The following MTHFSD variants were observed in gnomAD, a reference collection of about 807,000 sequenced individuals.
The protein encoded by MTHFSD is methenyltetrahydrofolate synthase domain-containing protein.
A neutral mutation model predicts 31.1 loss-of-function variants in MTHFSD; 37 were observed. The ratio of observed to expected loss-of-function variants is 1.19; its 90% CI spans 0.91 to 1.56. The LOEUF (loss-of-function observed/expected upper bound fraction) is 1.56. Ranked by LOEUF, MTHFSD falls within the 40% of genes most tolerant of loss-of-function variation. MTHFSD has a pLI of 0.00. For synonymous variants in MTHFSD, 221 were observed against 206.9 expected, an observed-to-expected ratio of 1.07 and a Z score of -0.59; for missense variants, 664 against 510.1, an observed-to-expected ratio of 1.30 and a Z score of -2.91.
At chr16:86,538,424 A>G (rs912211949) in intron 7 of MTHFSD, among the ~76,000 whole-genome samples, 3 of 152,188 alleles carry the variant, frequency 2.0e-5, no homozygotes, top group Non-Finnish European at 4.4e-5. Context: ...GGGTCTCAAC[A>G]GGAAGTTCCG....
intron 7 of MTHFSD, among the ~76,000 whole-genome samples, chr16:86,537,634 T>G (rs1242627458): frequency 6.6e-6 from 1 of 152,168 alleles, no homozygotes; most frequent in East Asian, 1.9e-4. Flanking sequence ...AGAGAACAAT[T>G]GTGTTTTATG....
chr16:86,542,476 C>T lies in MTHFSD; in HGVS notation c.443-263G>A. ...TGAACACTGGACCGTTCAAGCATGT[C>T]ACAAAGGGAAACAGATCACACTCAT... On this transcript the variant is annotated intron_variant, in intron 5 of 7. Coordinates refer to ENST00000360900, the MANE Select transcript of MTHFSD (RefSeq NM_001159377.2). The surrounding 1 kb of genome is among the most constrained non-coding windows in gnomAD (Gnocchi z 4.6). The T allele has an allele frequency of 7.2e-6, 3 of 418,836 alleles. No individual in the cohort carries two copies. The highest frequency in any genetic ancestry group is 4.2e-5 in the Admixed American group (1 of 23,870). 25.9% of individuals were successfully genotyped at this position (418,836 alleles called of 1,614,324 possible). A position where few individuals can be genotyped will look rare whatever the true frequency, so the allele number is the denominator to read the frequency against.
intron 7 of MTHFSD, among the ~76,000 whole-genome samples, chr16:86,538,806 A>C (rs1171847781): frequency 6.6e-6 from 1 of 152,212 alleles, no homozygotes; most frequent in Non-Finnish European, 1.5e-5. Flanking sequence ...CTAGGGGTTC[A>C]GGGAGTCCTG....
intron 7 of MTHFSD, chr16:86,541,138 G>T: frequency 7.8e-7 from 1 of 1,287,242 alleles, no homozygotes; most frequent in South Asian, 1.2e-5. Flanking sequence ...TAACCTACAG[G>T]CTGATTTGCA....
At position 86,542,415 on chromosome 16, in the gene MTHFSD, A is replaced by G. The variant is rs964349610; in HGVS notation, c.443-202T>C. 73 of 573,690 alleles carry G rather than the reference A, an allele frequency of 1.3e-4. No homozygotes were observed. Among genetic ancestry groups the G allele is most frequent in the Middle Eastern group, 4.0e-4 (1 of 2,510 alleles). The allele number at this position is 573,690 out of a possible 1,614,324, so 35.5% of individuals were successfully genotyped here. A position where few individuals can be genotyped will look rare whatever the true frequency, so the allele number is the denominator to read the frequency against. On this transcript the variant is annotated intron_variant, in intron 5 of 7. Coordinates refer to ENST00000360900, the MANE Select transcript of MTHFSD (RefSeq NM_001159377.2). This position sits in a 1 kb window ranked among gnomAD's most constrained non-coding sequence, Gnocchi z 4.6. The stretch of plus-strand genomic sequence containing the variant: ...TTTTGGGCATTCAACAGGAATAACA[A>G]CACGGCCAATGTCAGGTGGTGAAAC...
intron 4 of MTHFSD, chr16:86,548,097 T>C: frequency 7.7e-7 from 1 of 1,293,336 alleles, no homozygotes; most frequent in Non-Finnish European, 1.0e-6. Context: ...GTCTCCCCAG[T>C]CGCTCTGGTG....
intron 5 of MTHFSD, among the ~76,000 whole-genome samples, chr16:86,546,084 C>G (rs772453615): frequency 5.9e-5 from 9 of 151,614 alleles, no homozygotes; most frequent in Non-Finnish European, 1.2e-4. Flanking sequence ...GAAGAAGTCT[C>G]GGACACACCA....
chr16:86,535,607 AT>A lies in MTHFSD; in HGVS notation c.682-3127del, dbSNP rs1342694380. 1.7e-3 allele frequency: 1,018 copies of A among 600,034 alleles called. 10 individuals carry two copies. In the African/African-American group the frequency reaches 0.02, roughly 12 times the overall value. 37.2% of individuals were successfully genotyped at this position (600,034 alleles called of 1,614,324 possible). ...ACTAATTCTATTCTAAAAAAAAAAA[AT>A]AGAATAAACTTTAAGTTTAAAAACC... On this transcript the variant is annotated intron_variant, in intron 7 of 7. Coordinates refer to ENST00000360900, the MANE Select transcript of MTHFSD (RefSeq NM_001159377.2).
At chr16:86,551,627 A>G (rs1024882380) in intron 3 of MTHFSD, among the ~76,000 whole-genome samples, 1 of 152,224 alleles carries the variant, frequency 6.6e-6, no homozygotes, top group Non-Finnish European at 1.5e-5. Flanking sequence ...ACCGTCTGTC[A>G]TCCAGAAGCA....
Position 86,542,372 on chromosome 16 carries a change from C to A in MTHFSD, c.443-159G>T. ...ATGCCCACCAAATGCCCACAAGCAG[C>A]CCACACTGACGATGGACTTTTGGGC... On this transcript the variant is annotated intron_variant, in intron 5 of 7. Transcript: ENST00000360900. The surrounding 1 kb of genome is among the most constrained non-coding windows in gnomAD (Gnocchi z 4.6). 3 of 621,080 alleles carry A rather than the reference C, an allele frequency of 4.8e-6. No homozygotes were observed. The highest frequency in any genetic ancestry group is 2.8e-5 in the East Asian group (1 of 35,788). 38.5% of individuals were successfully genotyped at this position (621,080 alleles called of 1,614,324 possible). A position where few individuals can be genotyped will look rare whatever the true frequency, so the allele number is the denominator to read the frequency against.
At position 86,546,547 on chromosome 16, in the gene MTHFSD, T is replaced by C. The variant is rs763481791; in HGVS notation, c.442+12A>G. The C allele has an allele frequency of 6.2e-7, 1 of 1,612,960 alleles. No homozygotes were observed. Among genetic ancestry groups the C allele is most frequent in the Non-Finnish European group, 8.5e-7 (1 of 1,179,088 alleles). ...GCTGTCACACTCAAGGGTTCCCATCTGCTAGTCTTACCTTTTTCAGAAACG... is the reference window on the plus strand; with the variant it reads ...GCTGTCACACTCAAGGGTTCCCATCCGCTAGTCTTACCTTTTTCAGAAACG... On this transcript the variant is annotated intron_variant, in intron 5 of 7. Transcript: ENST00000360900.
At chr16:86,541,551 G>C (rs1971514955) in intron 7 of MTHFSD, 146 bp downstream of exon 7, 1 of 1,123,300 alleles carries the variant, frequency 8.9e-7, no homozygotes, top group Non-Finnish European at 1.3e-6. Flanking sequence ...TGGTCATTCA[G>C]GAGCCAAATT....
chr16:86,541,251 C>T, intron 7 of MTHFSD: 1 of 1,282,846 alleles, frequency 7.8e-7, no homozygotes. Flanking sequence ...GGTACTGCCT[C>T]CTACTCAGGC....
intron 7 of MTHFSD, chr16:86,532,795 G>C: frequency 4.5e-6 from 1 of 223,940 alleles, no homozygotes; most frequent in Non-Finnish European, 8.7e-6. Flanking sequence ...AAGCAGGAAA[G>C]TAAAGCTGGG....
In MTHFSD at chr16:86,542,277, C is replaced by G. The variant is rs1380795881; in HGVS notation, c.443-64G>C. 7.3e-7 allele frequency: 1 copy of G among 1,366,960 alleles called. No individual in the cohort carries two copies. Among genetic ancestry groups the G allele is most frequent in the African/African-American group, 1.4e-5 (1 of 69,288 alleles). The allele number at this position is 1,366,960 out of a possible 1,614,324, so 84.7% of individuals were successfully genotyped here. A position where few individuals can be genotyped will look rare whatever the true frequency, so the allele number is the denominator to read the frequency against. The stretch of plus-strand genomic sequence containing the variant: ...GGGGCATCGCTGAGAAGTGGATTTT[C>G]CATCAGGTCCAGTGGAAGAAGAAAC... On this transcript the variant is annotated intron_variant, in intron 5 of 7. Transcript: ENST00000360900. This position sits in a 1 kb window ranked among gnomAD's most constrained non-coding sequence, Gnocchi z 4.6.
At chr16:86,545,816 A>G (rs1972209937) in intron 5 of MTHFSD, among the ~76,000 whole-genome samples, 1 of 152,234 alleles carries the variant, frequency 6.6e-6, no homozygotes, top group Non-Finnish European at 1.5e-5. Context: ...TGTAGCAGGT[A>G]TACCAGAACA....
intron 5 of MTHFSD, among the ~76,000 whole-genome samples, chr16:86,545,345 C>T (rs1324226423): frequency 7.2e-5 from 11 of 152,186 alleles, no homozygotes; most frequent in Non-Finnish European, 1.5e-4. Flanking sequence ...ATTTTCTAAG[C>T]AGACACATGG....
chr16:86,534,034 C>G (rs1315520508), intron 7 of MTHFSD, among the ~76,000 whole-genome samples: 1 of 152,242 alleles, frequency 6.6e-6, no homozygotes, highest in Non-Finnish European at 1.5e-5. Flanking sequence ...GTAGCAGGCA[C>G]ATGGCCTCAT....
At chr16:86,548,700 T>C in intron 3 of MTHFSD, 123 bp from the exon 4 acceptor site, 1 of 745,462 alleles carries the variant, frequency 1.3e-6, no homozygotes, top group East Asian at 2.9e-5. Context: ...TTTTTTTTGG[T>C]GTGTGCCAAG....
Sources: allele counts gnomAD v4.1 joint callset (sites outside exome capture counted in the v4.1 genomes callset), GRCh38; gene constraint gnomAD v4.1.1; non-coding constraint Gnocchi (gnomAD v3.1); transcripts MANE v1.5; gene names NCBI Gene and HGNC (gene_info 2026-07-23, HGNC 2026-07-21).